The following SCN7A variants were observed in gnomAD, a reference collection of about 807,000 sequenced individuals.
SCN7A encodes sodium channel protein type 7 subunit alpha.
SCN7A carries 138 observed loss-of-function variants against 155.2 expected under a neutral mutation model. The observed-to-expected ratio is 0.89, with a 90% CI of 0.77 to 1.02. SCN7A has a LOEUF of 1.02. SCN7A is among the 50% of genes least tolerant of loss of function. SCN7A has a pLI of 0.00. For missense variants in SCN7A, 2,058 were observed against 1,986.6 expected (o/e 1.04, Z -0.68); for synonymous variants, 693 against 649.0 (o/e 1.07, Z -1.03).
chr2:166,447,677 C>G lies in SCN7A; in HGVS notation c.1322G>C (p.Arg441Thr). Reference sequence around the variant, plus strand: ...TGATGTGTCTGTGGAAATTGGTGACCTTTTCTTCATTTCTATTTGTATGGT... The same window carrying G: ...TGATGTGTCTGTGGAAATTGGTGACGTTTTCTTCATTTCTATTTGTATGGT... Reference protein sequence around the residue: ...AKTIQIEMKKRSPISTDTSLD... With the variant: ...AKTIQIEMKKTSPISTDTSLD... The change falls in exon 12 of 26, where the codon AGG (arginine) becomes ACG (threonine). Residue 441 changes from arginine to threonine, a missense_variant. Physicochemically the swap from Arg to Thr is moderately conservative, Grantham distance 71. Transcript: ENST00000643258. The G allele has an allele frequency of 6.2e-7, 1 of 1,613,002 alleles. No homozygotes were observed. The highest frequency in any genetic ancestry group is 8.5e-7 in the Non-Finnish European group (1 of 1,179,388).
intron 17 of SCN7A, among the ~76,000 whole-genome samples, chr2:166,428,667 T>A (rs1701671913): frequency 6.6e-6 from 1 of 152,068 alleles, no homozygotes; most frequent in African/African-American, 2.4e-5. Context: ...TTGTCTTGTG[T>A]TAAATTATAC....
At position 166,475,137 on chromosome 2, in the gene SCN7A, T is replaced by TACAC. The variant is rs370385393; in HGVS notation, c.235-797_235-794dup. The stretch of plus-strand genomic sequence containing the variant: ...ATATATATACATATATATATATATA[T>TACAC]ACACACACACACATTCAGTGAAAGT... On this transcript the variant is annotated intron_variant, in intron 3 of 25. Transcript: ENST00000643258. 3.1e-3 allele frequency among the ~76,000 whole-genome samples: 414 copies of TACAC among 133,848 alleles called. 5 individuals carry two copies. Among genetic ancestry groups the TACAC allele is most frequent in the African/African-American group, 9.5e-3 (354 of 37,328 alleles). 87.8% of individuals were successfully genotyped at this position (133,848 alleles called of 152,430 possible).
rs762137897 is a variant in SCN7A, at chr2:166,477,586, GTCT to G, written c.108_110del (p.Glu36del). ...CTTCCAAATCAGGAGTTGGCTTTAA[GTCT>G]TCTTCTTCATGGTCTTCATTATGTG... is the stretch of plus-strand genomic sequence containing the variant. On this transcript the variant is annotated inframe_deletion, in exon 3 of 26. Coordinates refer to ENST00000643258, the MANE Select transcript of SCN7A (RefSeq NM_002976.4). 20 of 1,591,142 alleles carry G rather than the reference GTCT, an allele frequency of 1.3e-5. No individual in the cohort carries two copies. In the East Asian group the frequency reaches 1.4e-4, roughly 11 times the overall value.
chr2:166,405,754 CTCT>C lies in SCN7A; in HGVS notation c.4872_4874del (p.Glu1625del). 6.2e-7 allele frequency: 1 copy of C among 1,612,978 alleles called. No homozygotes were observed. The highest frequency in any genetic ancestry group is 1.1e-5 in the South Asian group (1 of 91,018). ...GTTGAATGATGGTTGCTGAAACTGC[CTCT>C]TGTTTTCGTTTCAAAGTAGTCGTAA... is the stretch of plus-strand genomic sequence containing the variant. On this transcript the variant is annotated inframe_deletion, in exon 26 of 26. Transcript: ENST00000643258.
chr2:166,419,541 A>AT (rs1010842998), intron 20 of SCN7A, among the ~76,000 whole-genome samples: 2 of 151,634 alleles, frequency 1.3e-5, no homozygotes, highest in African/African-American at 2.4e-5. Context: ...TAATTTTTGT[A>AT]TTTTTTGTAG....
At chr2:166,417,609 T>C (rs1701408581) in intron 20 of SCN7A, among the ~76,000 whole-genome samples, 1 of 151,632 alleles carries the variant, frequency 6.6e-6, no homozygotes, top group Non-Finnish European at 1.5e-5. Context: ...TATATATATA[T>C]ATATGCTTAT....
intron 9 of SCN7A, among the ~76,000 whole-genome samples, chr2:166,464,994 C>A (rs1051708006): frequency 1.3e-5 from 2 of 152,116 alleles, no homozygotes; most frequent in East Asian, 3.9e-4. Flanking sequence ...GTTTGTGTCC[C>A]CTCAACATTC....
intron 11 of SCN7A, 98 bp from the exon 12 acceptor site, chr2:166,447,806 C>G: frequency 1.3e-6 from 1 of 755,066 alleles, no homozygotes; most frequent in South Asian, 1.7e-5. Context: ...CACTTATTCT[C>G]CCGGAGCCTT....
At chr2:166,415,662 A>T (rs1701360289) in intron 21 of SCN7A, among the ~76,000 whole-genome samples, 1 of 152,230 alleles carries the variant, frequency 6.6e-6, no homozygotes, top group Admixed American at 6.5e-5. Flanking sequence ...TCCCAAATTA[A>T]TACTTTTATA....
rs181721852 is a variant in SCN7A at position 166,427,099 on chromosome 2, A to C, written c.2853+689T>G. On this transcript the variant is annotated intron_variant, in intron 18 of 25. Coordinates refer to ENST00000643258, the MANE Select transcript of SCN7A (RefSeq NM_002976.4). The stretch of plus-strand genomic sequence containing the variant: ...ATTCTACACCGTTCTTTTTCCACTT[A>C]TTACTACATCTTGATGAATTGTAAA... Among the ~76,000 whole-genome samples the C allele has an allele frequency of 2.0e-5, 3 of 152,236 alleles. No individual in the cohort carries two copies. The East Asian group carries it at 5.8e-4, about 29-fold the overall frequency.
intron 20 of SCN7A, among the ~76,000 whole-genome samples, chr2:166,418,284 CTTTTTTTTTTTT>C (rs71031244): frequency 1.5e-4 from 9 of 60,674 alleles, no homozygotes; most frequent in African/African-American, 6.5e-4. Context: ...CCCCGCCAGG[CTTTTTTTTTTTT>C]TTTTTTTTTT....
At chr2:166,447,581 A>G (rs1466611783) in intron 12 of SCN7A, 31 bp downstream of exon 12, 2 of 1,398,282 alleles carry the variant, frequency 1.4e-6, no homozygotes, top group Non-Finnish European at 2.0e-6. Context: ...AGTACCTTCA[A>G]TAGTGAGTGT....
At chr2:166,486,531 T>C (rs571338863) in intron 2 of SCN7A, among the ~76,000 whole-genome samples, 2 of 152,158 alleles carry the variant, frequency 1.3e-5, no homozygotes, top group East Asian at 1.9e-4. Context: ...CTGAGAGCTA[T>C]AGATAAAGAA....
rs532997392 is a variant in SCN7A, at chr2:166,438,548, T to C, written c.2157+2848A>G. ...AAACCAATTCATTTCCTTTGACATATAATAATTTTTTGTAAGGTTTCTGCT... is the reference window on the plus strand; with the variant it reads ...AAACCAATTCATTTCCTTTGACATACAATAATTTTTTGTAAGGTTTCTGCT... On this transcript the variant is annotated intron_variant, in intron 15 of 25. Transcript: ENST00000643258. Among the ~76,000 whole-genome samples the C allele has an allele frequency of 8.5e-5, 13 of 152,258 alleles. No individual in the cohort carries two copies. The South Asian group carries it at 1.9e-3, about 22-fold the overall frequency.
intron 11 of SCN7A, among the ~76,000 whole-genome samples, chr2:166,455,165 TA>T (rs549258496): frequency 2.0e-4 from 31 of 152,182 alleles, no homozygotes; most frequent in Non-Finnish European, 4.3e-4. Flanking sequence ...TTCTAATTTC[TA>T]AATTATGGAA....
At chr2:166,414,188 AT>A (rs1358398794) in intron 21 of SCN7A, among the ~76,000 whole-genome samples, 68 of 59,612 alleles carry the variant, frequency 1.1e-3, no homozygotes, top group East Asian at 8.4e-3. Context: ...AATATATATA[AT>A]ATATAATATA....
At chr2:166,424,554 A>T (rs564983196) in intron 18 of SCN7A, among the ~76,000 whole-genome samples, 1 of 152,138 alleles carries the variant, frequency 6.6e-6, no homozygotes, top group Non-Finnish European at 1.5e-5. Flanking sequence ...GTAACAAATT[A>T]GGCAAGATAC....
At chr2:166,414,174 T>C (rs1242597923) in intron 21 of SCN7A, among the ~76,000 whole-genome samples, 3 of 53,570 alleles carry the variant, frequency 5.6e-5, no homozygotes, top group Admixed American at 2.6e-4. Flanking sequence ...ATTATATATA[T>C]GTAAATATAT....
At chr2:166,452,780 A>G (rs1702200435) in intron 11 of SCN7A, among the ~76,000 whole-genome samples, 1 of 152,166 alleles carries the variant, frequency 6.6e-6, no homozygotes, top group Non-Finnish European at 1.5e-5. Context: ...GTGTTGTGAA[A>G]TCAAATATCA....
Sources: allele counts gnomAD v4.1 joint callset (sites outside exome capture counted in the v4.1 genomes callset), GRCh38; gene constraint gnomAD v4.1.1; transcripts MANE v1.5; gene names NCBI Gene and HGNC (gene_info 2026-07-23, HGNC 2026-07-21).